The following SCHIP1 variants were observed in gnomAD, a reference collection of about 807,000 sequenced individuals.
SCHIP1 encodes the protein schwannomin-interacting protein 1.
In SCHIP1, 8 loss-of-function variants were observed where a neutral mutation model predicts 29.7. That is an observed-to-expected ratio of 0.27 (90% CI 0.16 to 0.49). The LOEUF (loss-of-function observed/expected upper bound fraction) is 0.49, where lower values mean the gene tolerates loss of function less well. Ranked by LOEUF, SCHIP1 falls within the 20% of genes least tolerant of loss-of-function variation. The probability of loss-of-function intolerance (pLI) is 0.99; values close to 1 mark genes in which losing one functional copy is unlikely to be tolerated. For missense variants in SCHIP1, 193 were observed against 294.6 expected, an observed-to-expected ratio of 0.66 and a Z score of 2.52; for synonymous variants, 76 against 94.9, an observed-to-expected ratio of 0.80 and a Z score of 1.16.
At chr3:159,680,169 AG>A in the SCHIP1 span, among the ~76,000 whole-genome samples, 3 of 152,104 alleles carry the variant, frequency 2.0e-5, no homozygotes, top group Non-Finnish European at 2.9e-5. Flanking sequence ...GGAACACAAT[AG>A]GCACGCAAAA....
intron 3 of SCHIP1, chr3:159,887,168 G>A (rs776444823): frequency 2.0e-5 from 3 of 153,516 alleles, no homozygotes; most frequent in Non-Finnish European, 4.3e-5. Flanking sequence ...TTCCCTATTG[G>A]GCTTAGAAAT....
the SCHIP1 span, among the ~76,000 whole-genome samples, chr3:159,414,928 C>T: frequency 2.0e-5 from 3 of 152,296 alleles, no homozygotes; most frequent in East Asian, 5.8e-4. Context: ...AGCTTACACA[C>T]CTGCCACTCA....
the SCHIP1 span, among the ~76,000 whole-genome samples, chr3:159,358,813 C>T: frequency 2.0e-5 from 3 of 151,226 alleles, no homozygotes; most frequent in African/African-American, 4.9e-5. Context: ...ATGACTGGGA[C>T]GTGCTTAGGC....
the SCHIP1 span, among the ~76,000 whole-genome samples, chr3:159,796,411 T>C: frequency 3.9e-5 from 6 of 152,148 alleles, no homozygotes; most frequent in South Asian, 2.1e-4. Context: ...AAGTGACTGC[T>C]TGGAACTCAG....
chr3:159,428,741 A>G, the SCHIP1 span, among the ~76,000 whole-genome samples: 84,726 of 150,086 alleles, frequency 0.56, 24,850 homozygotes, highest in East Asian at 0.75. Context: ...AAAGACAGAT[A>G]CACACGTATG....
chr3:159,477,930 T>C, the SCHIP1 span, among the ~76,000 whole-genome samples: 2 of 147,522 alleles, frequency 1.4e-5, no homozygotes, highest in African/African-American at 2.5e-5. Context: ...CTTTTTTTTT[T>C]TTTTTTTTTT....
the SCHIP1 span, among the ~76,000 whole-genome samples, chr3:159,785,087 G>T: frequency 1.3e-5 from 2 of 152,188 alleles, no homozygotes; most frequent in Non-Finnish European, 2.9e-5. Context: ...CCTTGGTATG[G>T]CTGCTTTGCT....
the SCHIP1 span, chr3:159,765,057 G>T: frequency 1.3e-6 from 2 of 1,560,852 alleles, no homozygotes; most frequent in Admixed American, 3.8e-5. Context: ...ATTGGGAGGC[G>T]CTGGAGAAGC....
chr3:159,703,593 C>T, the SCHIP1 span, among the ~76,000 whole-genome samples: 4 of 152,196 alleles, frequency 2.6e-5, no homozygotes, highest in African/African-American at 9.7e-5. Flanking sequence ...ACCCCTGACA[C>T]TTCTCTGCTT....
At chr3:159,521,174 T>G in the SCHIP1 span, among the ~76,000 whole-genome samples, 1 of 152,246 alleles carries the variant, frequency 6.6e-6, no homozygotes, top group Non-Finnish European at 1.5e-5. Flanking sequence ...ATCTACAAAG[T>G]GACCTCATGT....
At chr3:159,692,912 G>T in the SCHIP1 span, among the ~76,000 whole-genome samples, 1 of 152,114 alleles carries the variant, frequency 6.6e-6, no homozygotes, top group Admixed American at 6.5e-5. Flanking sequence ...ATAGAGTTTT[G>T]TTATATAAGG....
At chr3:159,675,584 T>C in the SCHIP1 span, among the ~76,000 whole-genome samples, 1 of 152,204 alleles carries the variant, frequency 6.6e-6, no homozygotes, top group African/African-American at 2.4e-5. Context: ...ATGAGCTTGG[T>C]CTGCACAAAG....
the SCHIP1 span, among the ~76,000 whole-genome samples, chr3:159,369,037 G>A: frequency 6.6e-6 from 1 of 152,140 alleles, no homozygotes; most frequent in African/African-American, 2.4e-5. Flanking sequence ...GAGAAGTGAT[G>A]GTATCTGGGG....
the SCHIP1 span, among the ~76,000 whole-genome samples, chr3:159,432,701 C>T: frequency 6.6e-6 from 1 of 152,148 alleles, no homozygotes; most frequent in Non-Finnish European, 1.5e-5. Flanking sequence ...TATAGTTCTG[C>T]ATATACATGC....
At chr3:159,651,921 C>T in the SCHIP1 span, among the ~76,000 whole-genome samples, 14 of 152,192 alleles carry the variant, frequency 9.2e-5, 1 homozygote, top group African/African-American at 2.2e-4. Flanking sequence ...ACGGTGAAAC[C>T]GCATCTTTAT....
At chr3:159,738,014 C>T in the SCHIP1 span, among the ~76,000 whole-genome samples, 126 of 152,206 alleles carry the variant, frequency 8.3e-4, no homozygotes, top group Non-Finnish European at 1.4e-3. Flanking sequence ...CCAGAGGAAA[C>T]AATAAATTTA....
chr3:159,709,172 A>G, the SCHIP1 span, among the ~76,000 whole-genome samples: 3 of 152,178 alleles, frequency 2.0e-5, no homozygotes, highest in African/African-American at 7.2e-5. Flanking sequence ...AAAGTATACA[A>G]ATGAAGAAAA....
chr3:159,393,087 G>A, the SCHIP1 span, among the ~76,000 whole-genome samples: 1 of 152,180 alleles, frequency 6.6e-6, no homozygotes, highest in Non-Finnish European at 1.5e-5. Context: ...TTTTTCATGT[G>A]TCTTTTGGCT....
At chr3:159,312,197 C>T in the SCHIP1 span, among the ~76,000 whole-genome samples, 12 of 152,026 alleles carry the variant, frequency 7.9e-5, no homozygotes, top group African/African-American at 2.4e-4. Context: ...TAAGGAATCC[C>T]GTATTAGCTA....
Sources: allele counts gnomAD v4.1 joint callset (sites outside exome capture counted in the v4.1 genomes callset), GRCh38; gene constraint gnomAD v4.1.1; transcripts MANE v1.5; gene names NCBI Gene and HGNC (gene_info 2026-07-23, HGNC 2026-07-21).